Variants in PTBP2 observed in about 807,000 individuals in gnomAD.
PTBP2 encodes polypyrimidine tract binding protein 2.
In PTBP2, 13 loss-of-function variants were observed where a neutral mutation model predicts 61.4. The ratio of observed to expected loss-of-function variants is 0.21; its 90% CI spans 0.14 to 0.34. The LOEUF (loss-of-function observed/expected upper bound fraction) is 0.34, where lower values mean the gene tolerates loss of function less well. Among genes scored for constraint, PTBP2 ranks in the 10% least tolerant of loss-of-function variants. PTBP2 has a pLI of 1.00. For missense variants in PTBP2, 405 were observed against 642.6 expected (o/e 0.63, Z 4.00); for synonymous variants, 215 against 218.5 (o/e 0.98, Z 0.14).
chr1:96,806,939 T>C lies in PTBP2; in HGVS notation c.1152T>C (p.Asp384=), dbSNP rs769574433. 6.2e-7 allele frequency: 1 copy of C among 1,608,826 alleles called. No homozygotes were observed. Among genetic ancestry groups the C allele is most frequent in the South Asian group, 1.1e-5 (1 of 90,336 alleles). ...ACAGCGCTCTAATACAGATGGCTGATGGAAACCAATCACAACTTGGTAAGA... is the reference window on the plus strand; with the variant it reads ...ACAGCGCTCTAATACAGATGGCTGACGGAAACCAATCACAACTTGGTAAGA... The part of the protein sequence containing the change: ...KKDSALIQMA[D]GNQSQLAMNH... Residue 384 remains aspartate, a synonymous_variant, in exon 11 of 14, where the codon GAT becomes GAC. Coordinates refer to ENST00000674951, the MANE Select transcript of PTBP2 (RefSeq NM_021190.4).
intron 2 of PTBP2, among the ~76,000 whole-genome samples, chr1:96,739,252 T>G (rs556331266): frequency 9.8e-4 from 150 of 152,314 alleles, no homozygotes; most frequent in African/African-American, 3.4e-3. Flanking sequence ...CCCTGATATT[T>G]TCTTGTTTCT....
chr1:96,729,408 G>A (rs1651058869), intron 2 of PTBP2, among the ~76,000 whole-genome samples: 1 of 151,948 alleles, frequency 6.6e-6, no homozygotes, highest in South Asian at 2.1e-4. Context: ...GCCATTTTTT[G>A]TCTCCTTTTT....
At chr1:96,739,777 C>A (rs1299050713) in intron 2 of PTBP2, among the ~76,000 whole-genome samples, 4 of 151,302 alleles carry the variant, frequency 2.6e-5, no homozygotes, top group Admixed American at 1.3e-4. Flanking sequence ...CCACGCCCGG[C>A]TAATTTTTTG....
chr1:96,739,063 A>G (rs1652620668), intron 2 of PTBP2, among the ~76,000 whole-genome samples: 1 of 152,176 alleles, frequency 6.6e-6, no homozygotes, highest in Non-Finnish European at 1.5e-5. Flanking sequence ...AATGCATACA[A>G]TTTATATGTG....
chr1:96,815,517 T>C (rs1662447116), downstream of PTBP2: 1 of 152,198 alleles, frequency 6.6e-6, no homozygotes, highest in Non-Finnish European at 1.5e-5. Flanking sequence ...GTGCTATTTA[T>C]ATTCAAAATA....
intron 2 of PTBP2, among the ~76,000 whole-genome samples, chr1:96,743,549 C>G (rs867516364): frequency 6.6e-6 from 1 of 151,486 alleles, no homozygotes; most frequent in Admixed American, 6.6e-5. Flanking sequence ...GCAAAAGTGG[C>G]GCTATTCTTT....
At chr1:96,763,601 AGGGAGGGGGAGGGGGAGG>A (rs756734165) in intron 3 of PTBP2, among the ~76,000 whole-genome samples, 2 of 14,556 alleles carry the variant, frequency 1.4e-4, no homozygotes, top group Non-Finnish European at 2.9e-4. Flanking sequence ...TGGGGAGAGG[AGGGAGGGGGAGGGGGAGG>A]GGGAGGGGGA....
intron 2 of PTBP2, among the ~76,000 whole-genome samples, chr1:96,742,498 T>A (rs113521021): frequency 4.6e-5 from 7 of 152,294 alleles, no homozygotes; most frequent in African/African-American, 1.7e-4. Context: ...TTGATTTGTC[T>A]TGTCACAGAA....
At chr1:96,808,878 A>G (rs1299471422) in intron 11 of PTBP2, among the ~76,000 whole-genome samples, 1 of 152,140 alleles carries the variant, frequency 6.6e-6, no homozygotes, top group African/African-American at 2.4e-5. Flanking sequence ...ATGGTGTACT[A>G]AAAAGATTAT....
rs1013869348 is a variant in PTBP2, at chr1:96,727,827, T to A, written c.39+4233T>A. On this transcript the variant is annotated intron_variant, in intron 2 of 13. Transcript: ENST00000674951. ...CTGCAAATATTTTCTGCCACTCATC[T>A]TCTTATTCTCGCATTGTCTTTTGAA... Among the ~76,000 whole-genome samples, 6 of 152,028 alleles carry A rather than the reference T, an allele frequency of 3.9e-5. No individual in the cohort carries two copies. The South Asian group carries it at 1.2e-3, about 31-fold the overall frequency.
chr1:96,741,165 CA>C lies in PTBP2; in HGVS notation c.40-10247del, dbSNP rs202119800. Among the ~76,000 whole-genome samples, 1,070 of 125,820 alleles carry C rather than the reference CA, an allele frequency of 8.5e-3. 19 individuals are homozygous for C. Among genetic ancestry groups the C allele is most frequent in the Admixed American group, 0.051 (644 of 12,662 alleles). 82.5% of individuals were successfully genotyped at this position (125,820 alleles called of 152,430 possible). On this transcript the variant is annotated intron_variant, in intron 2 of 13. Coordinates refer to ENST00000674951, the MANE Select transcript of PTBP2 (RefSeq NM_021190.4). ...TTTTAATTTGCATTCCCTATTAATG[CA>C]AAAAAAAAAAAACATTGATTCCTGG...
At chr1:96,727,146 A>C (rs1248712345) in intron 2 of PTBP2, among the ~76,000 whole-genome samples, 1 of 152,214 alleles carries the variant, frequency 6.6e-6, no homozygotes, top group African/African-American at 2.4e-5. Flanking sequence ...AGATAAATGT[A>C]ATCATATGGT....
intron 3 of PTBP2, among the ~76,000 whole-genome samples, chr1:96,764,093 G>A (rs918004080): frequency 3.3e-5 from 5 of 152,152 alleles, no homozygotes; most frequent in African/African-American, 1.2e-4. Context: ...CTGTAGAATT[G>A]TTTCCTAAGG....
chr1:96,734,903 CT>C (rs369053938), intron 2 of PTBP2, among the ~76,000 whole-genome samples: 2,357 of 124,956 alleles, frequency 0.019, 22 homozygotes, highest in African/African-American at 0.028. Flanking sequence ...CTTTTTTTTT[CT>C]TTTTTTTTTT....
downstream of PTBP2, chr1:96,817,301 T>A (rs1051271857): frequency 1.7e-4 from 26 of 152,108 alleles, no homozygotes; most frequent in African/African-American, 6.3e-4. Context: ...GAAAACGTTT[T>A]TTTCATTCAG....
intron 2 of PTBP2, 122 bp from the exon 3 acceptor site, chr1:96,751,303 A>G (rs1654508178): frequency 1.2e-6 from 1 of 802,576 alleles, no homozygotes; most frequent in Admixed American, 1.9e-5. Flanking sequence ...ATTTTTTATT[A>G]TAGGGATTAA....
chr1:96,745,838 G>A (rs558585701), intron 2 of PTBP2, among the ~76,000 whole-genome samples: 5 of 152,076 alleles, frequency 3.3e-5, no homozygotes, highest in Admixed American at 6.5e-5. Flanking sequence ...AGGCCAGGGC[G>A]GGCAGATCAC....
chr1:96,728,830 T>TTTG (rs1650959503), intron 2 of PTBP2, among the ~76,000 whole-genome samples: 2 of 151,982 alleles, frequency 1.3e-5, no homozygotes, highest in African/African-American at 4.8e-5. Context: ...TTTTTTTTTT[T>TTTG]TCAGTGCACA....
intron 2 of PTBP2, among the ~76,000 whole-genome samples, chr1:96,751,030 A>G (rs927283531): frequency 6.6e-6 from 1 of 152,094 alleles, no homozygotes; most frequent in Non-Finnish European, 1.5e-5. Context: ...ATGAAGTTCT[A>G]ATTTTCTAAA....
Sources: gnomAD v4.1 joint callset for allele counts (sites outside exome capture counted in the v4.1 genomes callset) on GRCh38, gnomAD v4.1.1 for gene constraint, MANE v1.5 for transcripts, NCBI Gene and HGNC (gene_info 2026-07-23, HGNC 2026-07-21) for gene names.